NQO1: variants seen among roughly 807,000 people sequenced by gnomAD.
NQO1 encodes the protein NAD(P)H quinone dehydrogenase 1.
In NQO1, 30 loss-of-function variants were observed where a neutral mutation model predicts 32.1. That is an observed-to-expected ratio of 0.94 (90% CI 0.70 to 1.27). NQO1 has a LOEUF of 1.27. Among genes scored for constraint, NQO1 ranks in the 50% most tolerant of loss-of-function variants. NQO1 has a pLI of 0.00. For synonymous variants in NQO1, 109 were observed against 119.7 expected (o/e 0.91, Z 0.59); for missense variants, 276 against 331.3 (o/e 0.83, Z 1.30).
intron 4 of NQO1, among the ~76,000 whole-genome samples, chr16:69,713,625 C>A (rs1380456324): frequency 1.3e-5 from 2 of 152,138 alleles, no homozygotes; most frequent in Non-Finnish European, 2.9e-5. Flanking sequence ...CTCACCTTCA[C>A]CTCTCAGTAT....
chr16:69,725,186 C>A (rs2038244681), intron 1 of NQO1, among the ~76,000 whole-genome samples: 1 of 152,188 alleles, frequency 6.6e-6, no homozygotes, highest in Non-Finnish European at 1.5e-5. Context: ...TCTCAGAGAT[C>A]CTGATAATTT....
intron 5 of NQO1, 32 bp downstream of exon 5, chr16:69,712,996 G>GA (rs752309750): frequency 1.5e-5 from 24 of 1,564,606 alleles, no homozygotes; most frequent in Non-Finnish European, 1.8e-5. Context: ...CCGTCTCAAA[G>GA]AAAAAAAAGA....
chr16:69,715,878 G>GT (rs1189272747), intron 3 of NQO1, among the ~76,000 whole-genome samples: 3 of 152,004 alleles, frequency 2.0e-5, no homozygotes, highest in African/African-American at 7.2e-5. Context: ...CTAATAATCA[G>GT]TGTGATGGCT....
chr16:69,721,570 G>C (rs2038191974), intron 1 of NQO1, among the ~76,000 whole-genome samples: 1 of 152,100 alleles, frequency 6.6e-6, no homozygotes, highest in African/African-American at 2.4e-5. Context: ...GCACAAAATA[G>C]ACTGAGACAC....
chr16:69,721,165 A>T (rs1270850131), intron 1 of NQO1, among the ~76,000 whole-genome samples: 1 of 151,414 alleles, frequency 6.6e-6, no homozygotes, highest in Non-Finnish European at 1.5e-5. Context: ...TGTTGGGATT[A>T]TAGGTGTGAG....
intron 1 of NQO1, among the ~76,000 whole-genome samples, chr16:69,723,764 T>A (rs1305460819): frequency 1.3e-5 from 2 of 152,080 alleles, no homozygotes; most frequent in Non-Finnish European, 2.9e-5. Flanking sequence ...ATCGCACCAT[T>A]GCACTCCAGC....
intron 1 of NQO1, among the ~76,000 whole-genome samples, chr16:69,724,706 G>GA (rs2038238321): frequency 6.6e-6 from 1 of 151,780 alleles, no homozygotes; most frequent in Non-Finnish European, 1.5e-5. Context: ...GTCTCAAAAA[G>GA]AAAAAAAGAA....
At chr16:69,711,323 C>A (rs2151742034) in intron 5 of NQO1, 42 bp from the exon 6 acceptor site, 1 of 1,545,446 alleles carries the variant, frequency 6.5e-7, no homozygotes, top group South Asian at 1.2e-5. Flanking sequence ...CAACCAATTC[C>A]ATGCAGTTGT....
intron 1 of NQO1, among the ~76,000 whole-genome samples, chr16:69,720,616 C>T (rs1380598730): frequency 2.0e-5 from 3 of 149,760 alleles, no homozygotes; most frequent in East Asian, 2.0e-4. Flanking sequence ...CTGCAACCTC[C>T]GCCTCTCAGG....
chr16:69,717,159 A>G (rs1209886818), intron 3 of NQO1, among the ~76,000 whole-genome samples: 3 of 152,046 alleles, frequency 2.0e-5, no homozygotes, highest in Non-Finnish European at 4.4e-5. Flanking sequence ...GATCATATAC[A>G]TTCTATGTTC....
At chr16:69,719,030 G>A (rs1352840807) in intron 1 of NQO1, among the ~76,000 whole-genome samples, 10 of 50,656 alleles carry the variant, frequency 2.0e-4, no homozygotes, top group Admixed American at 8.3e-4. Flanking sequence ...GGGAGACTCC[G>A]TCTCAAAAAA....
intron 1 of NQO1, among the ~76,000 whole-genome samples, chr16:69,724,490 GC>G (rs201099817): frequency 9.3e-5 from 14 of 151,142 alleles, no homozygotes; most frequent in South Asian, 2.1e-4. Flanking sequence ...ACCACTCCCA[GC>G]CAAAATTTTT....
chr16:69,715,114 G>A, intron 3 of NQO1, 37 bp from the exon 4 acceptor site: 1 of 1,536,480 alleles, frequency 6.5e-7, no homozygotes, highest in South Asian at 1.1e-5. Flanking sequence ...TAAGACCAGG[G>A]GCTCCCCAAG....
At chr16:69,719,766 C>T (rs2038165188) in intron 1 of NQO1, among the ~76,000 whole-genome samples, 1 of 151,774 alleles carries the variant, frequency 6.6e-6, no homozygotes, top group Non-Finnish European at 1.5e-5. Flanking sequence ...GAGTAAGACC[C>T]TGTCTCAGAA....
intron 4 of NQO1, among the ~76,000 whole-genome samples, chr16:69,713,915 A>G (rs375548527): frequency 0.11 from 12,596 of 110,622 alleles, 1,846 homozygotes; most frequent in East Asian, 0.32. Context: ...TCGCTCTGTC[A>G]CCCAGCCTGG....
At chr16:69,715,245 G>A (rs1316376979) in intron 3 of NQO1, among the ~76,000 whole-genome samples, 168 bp from the exon 4 acceptor site, 3 of 152,170 alleles carry the variant, frequency 2.0e-5, no homozygotes, top group Non-Finnish European at 4.4e-5. Context: ...GATCATTATT[G>A]TCCTTGGTCA....
chr16:69,714,938 C>T (rs566336755), intron 4 of NQO1, 26 bp downstream of exon 4: 3 of 1,513,378 alleles, frequency 2.0e-6, no homozygotes, highest in Non-Finnish European at 2.8e-6. Context: ...AGCTGGCTGT[C>T]AGAGCATTCA....
chr16:69,709,817 C>T lies in NQO1; in HGVS notation c.*1159G>A. The T allele has an allele frequency of 2.5e-6, 1 of 398,544 alleles. No individual in the cohort carries two copies. The highest frequency in any genetic ancestry group is 4.4e-6 in the Non-Finnish European group (1 of 226,054). 24.7% of individuals were successfully genotyped at this position (398,544 alleles called of 1,614,324 possible). A position where few individuals can be genotyped will look rare whatever the true frequency, so the allele number is the denominator to read the frequency against. On this transcript the variant is annotated 3_prime_UTR_variant, in exon 6 of 6. Coordinates refer to ENST00000320623, the MANE Select transcript of NQO1 (RefSeq NM_000903.3). The stretch of plus-strand genomic sequence containing the variant: ...CAAAGTTGATAAAACTCTAGGTTTA[C>T]AATTGTACCCCAAGGTCATGGGACT...
chr16:69,716,416 C>T (rs1213984783), intron 3 of NQO1, among the ~76,000 whole-genome samples: 3 of 151,628 alleles, frequency 2.0e-5, no homozygotes, highest in Non-Finnish European at 4.4e-5. Flanking sequence ...GGCTTGAACC[C>T]GGGAGGCGGA....
Sources: allele counts gnomAD v4.1 joint callset (sites outside exome capture counted in the v4.1 genomes callset), GRCh38; gene constraint gnomAD v4.1.1; transcripts MANE v1.5; gene names NCBI Gene and HGNC (gene_info 2026-07-23, HGNC 2026-07-21).